NTNG1: variants seen among roughly 807,000 people sequenced by gnomAD.
NTNG1 encodes netrin-G1.
A neutral mutation model predicts 54.0 loss-of-function variants in NTNG1; 16 were observed. The observed-to-expected ratio is 0.30, with a 90% CI of 0.20 to 0.45. The LOEUF (loss-of-function observed/expected upper bound fraction) is 0.45. Ranked by LOEUF, NTNG1 falls within the 20% of genes least tolerant of loss-of-function variation. The pLI, the probability that NTNG1 is intolerant of heterozygous loss-of-function variation, is 1.00. For missense variants in NTNG1, 530 were observed against 678.7 expected, an observed-to-expected ratio of 0.78 and a Z score of 2.43; for synonymous variants, 255 against 263.1, an observed-to-expected ratio of 0.97 and a Z score of 0.30.
At chr1:107,141,416 GTCGGC>G (rs1224152714) in intron 1 of NTNG1, 16 of 149,170 alleles carry the variant, frequency 1.1e-4, no homozygotes, top group Non-Finnish European at 2.4e-4. Flanking sequence ...GCCCCGCGCC[GTCGGC>G]TCGGCTCCCG....
intron 6 of NTNG1, among the ~76,000 whole-genome samples, chr1:107,434,450 G>A (rs769897979): frequency 3.9e-5 from 6 of 152,116 alleles, no homozygotes; most frequent in Non-Finnish European, 7.4e-5. Context: ...TCTGTTTCAT[G>A]TAAACTTGAG....
intron 2 of NTNG1, among the ~76,000 whole-genome samples, chr1:107,165,286 AT>A (rs1468820637): frequency 6.6e-6 from 1 of 152,230 alleles, no homozygotes; most frequent in Non-Finnish European, 1.5e-5. Context: ...ACATACTGAC[AT>A]ACGGATTCTT....
intron 2 of NTNG1, among the ~76,000 whole-genome samples, chr1:107,243,398 G>A (rs976696909): frequency 6.6e-5 from 10 of 152,108 alleles, no homozygotes; most frequent in African/African-American, 1.2e-4. Context: ...CCTATTTGCC[G>A]GCTTAAAAGA....
At chr1:107,391,767 C>G (rs1570847841) in intron 3 of NTNG1, among the ~76,000 whole-genome samples, 1 of 152,072 alleles carries the variant, frequency 6.6e-6, no homozygotes, top group African/African-American at 2.4e-5. Context: ...GGAGGGAGAA[C>G]TCAGTCATTA....
chr1:107,411,079 T>C (rs2101166937), intron 5 of NTNG1, among the ~76,000 whole-genome samples: 1 of 152,236 alleles, frequency 6.6e-6, no homozygotes, highest in Non-Finnish European at 1.5e-5. Context: ...ATGTACACAT[T>C]TTGTGAACCT....
chr1:107,259,765 G>A (rs1484288056), intron 2 of NTNG1, among the ~76,000 whole-genome samples: 2 of 152,156 alleles, frequency 1.3e-5, no homozygotes, highest in Admixed American at 1.3e-4. Context: ...TGAGATGTGT[G>A]TGACGCAGAT....
chr1:107,378,501 A>G (rs1671439599), intron 3 of NTNG1, among the ~76,000 whole-genome samples: 1 of 152,192 alleles, frequency 6.6e-6, no homozygotes, highest in African/African-American at 2.4e-5. Context: ...TAGAGACTCA[A>G]ATCTGGGGTA....
chr1:107,312,058 G>A (rs1021454442), intron 2 of NTNG1, among the ~76,000 whole-genome samples: 42 of 152,284 alleles, frequency 2.8e-4, no homozygotes, highest in African/African-American at 1.0e-3. Context: ...GATTTCGGTT[G>A]TAGAAAGATC....
At chr1:107,321,352 A>G (rs1444434698) in intron 2 of NTNG1, among the ~76,000 whole-genome samples, 1 of 152,058 alleles carries the variant, frequency 6.6e-6, no homozygotes, top group African/African-American at 2.4e-5. Flanking sequence ...CTGAAGCACC[A>G]GATCTGTGCC....
At position 107,189,081 on chromosome 1, in the gene NTNG1, G is replaced by C. The variant is rs200735633; in HGVS notation, c.246+40242G>C. On this transcript the variant is annotated intron_variant, in intron 2 of 7. Coordinates refer to ENST00000370068, the MANE Select transcript of NTNG1 (RefSeq NM_001113226.3). ...TTTGGGTGAATATAGGCCTAGCACC[G>C]TGGCTCTCACCTGTAATCCCAGCAC... Among the ~76,000 whole-genome samples, 25 of 152,088 alleles carry C rather than the reference G, an allele frequency of 1.6e-4. No individual in the cohort carries two copies. In the East Asian group the frequency reaches 2.3e-3, roughly 14 times the overall value.
intron 2 of NTNG1, among the ~76,000 whole-genome samples, chr1:107,243,114 C>A: frequency 6.6e-6 from 1 of 152,182 alleles, no homozygotes; most frequent in East Asian, 1.9e-4. Context: ...AAAAATTATA[C>A]AAAATATTTT....
At chr1:107,223,342 G>T (rs1660474975) in intron 2 of NTNG1, among the ~76,000 whole-genome samples, 1 of 152,000 alleles carries the variant, frequency 6.6e-6, no homozygotes, top group South Asian at 2.1e-4. Flanking sequence ...ATCCCATGTG[G>T]TATGACAAGT....
At chr1:107,269,678 C>T (rs1416144822) in intron 2 of NTNG1, among the ~76,000 whole-genome samples, 3 of 152,302 alleles carry the variant, frequency 2.0e-5, no homozygotes, top group East Asian at 3.9e-4. Flanking sequence ...ACTAGGATAT[C>T]AGTCATTTCT....
At chr1:107,289,637 C>T (rs1665454028) in intron 2 of NTNG1, among the ~76,000 whole-genome samples, 1 of 152,068 alleles carries the variant, frequency 6.6e-6, no homozygotes, top group Non-Finnish European at 1.5e-5. Context: ...TTATTCTAGT[C>T]CTTCTAGTCA....
rs1678907877 is a variant in NTNG1, at chr1:107,484,393, A to G, written c.*3553A>G. On this transcript the variant is annotated 3_prime_UTR_variant, in exon 8 of 8. Transcript: ENST00000370068. ...AAGGGTTATGAAAGCATCATGTGTC[A>G]AAGTGGCAGGATGGAAGATAATTTA... is the stretch of plus-strand genomic sequence containing the variant. Among the ~76,000 whole-genome samples, 1 of 152,212 alleles carries G rather than the reference A, an allele frequency of 6.6e-6. No individual in the cohort carries two copies. Among genetic ancestry groups the G allele is most frequent in the African/African-American group, 2.4e-5 (1 of 41,450 alleles).
rs1162595531 is a variant in NTNG1 at position 107,197,868 on chromosome 1, A to G, written c.246+49029A>G. Reference sequence around the variant, plus strand: ...ATCCACCTGGCCACTGTTATTTTAAATCATAAGCTCATCTCTATTCACATA... The same window carrying G: ...ATCCACCTGGCCACTGTTATTTTAAGTCATAAGCTCATCTCTATTCACATA... On this transcript the variant is annotated intron_variant, in intron 2 of 7. Coordinates refer to ENST00000370068, the MANE Select transcript of NTNG1 (RefSeq NM_001113226.3). 3.9e-5 allele frequency among the ~76,000 whole-genome samples: 6 copies of G among 152,112 alleles called. No individual in the cohort carries two copies. The South Asian group carries it at 8.3e-4, about 21-fold the overall frequency.
At chr1:107,221,951 C>T (rs74812572) in intron 2 of NTNG1, among the ~76,000 whole-genome samples, 2,002 of 152,244 alleles carry the variant, frequency 0.013, 35 homozygotes, top group African/African-American at 0.046. Flanking sequence ...CCTCCTTTTC[C>T]CCTACCTCCA....
intron 4 of NTNG1, among the ~76,000 whole-genome samples, chr1:107,407,322 T>C (rs1431672238): frequency 6.6e-6 from 1 of 152,160 alleles, no homozygotes; most frequent in Non-Finnish European, 1.5e-5. Flanking sequence ...TAAGCCTGGT[T>C]TAATATCTAG....
intron 7 of NTNG1, among the ~76,000 whole-genome samples, chr1:107,462,351 C>G (rs562796772): frequency 6.6e-6 from 1 of 152,282 alleles, no homozygotes; most frequent in East Asian, 1.9e-4. Context: ...CTGCTACCCA[C>G]TACCTGTGTG....
Sources: gnomAD v4.1 joint callset for allele counts (sites outside exome capture counted in the v4.1 genomes callset) on GRCh38, gnomAD v4.1.1 for gene constraint, MANE v1.5 for transcripts, NCBI Gene and HGNC (gene_info 2026-07-23, HGNC 2026-07-21) for gene names.